OTULIN: variants seen among roughly 807,000 people sequenced by gnomAD.
OTULIN encodes the protein OTU deubiquitinase with linear linkage specificity.
OTULIN carries 15 observed loss-of-function variants against 39.6 expected under a neutral mutation model. The observed-to-expected ratio is 0.38, with a 90% CI of 0.25 to 0.58. OTULIN has a LOEUF of 0.58. OTULIN is among the 20% of genes least tolerant of loss of function. OTULIN has a pLI of 0.66. For synonymous variants in OTULIN, 156 were observed against 170.3 expected, an observed-to-expected ratio of 0.92 and a Z score of 0.65; for missense variants, 319 against 445.9, an observed-to-expected ratio of 0.72 and a Z score of 2.56.
intron 1 of OTULIN, among the ~76,000 whole-genome samples, chr5:14,666,743 G>A (rs1376687446): frequency 6.6e-6 from 1 of 152,170 alleles, no homozygotes; most frequent in Non-Finnish European, 1.5e-5. Flanking sequence ...AGAGAGGTGA[G>A]TTTAAGATGT....
chr5:14,715,589 A>G, the OTULIN span, among the ~76,000 whole-genome samples: 1 of 152,262 alleles, frequency 6.6e-6, no homozygotes, highest in Non-Finnish European at 1.5e-5. Context: ...TCTTCTTCCC[A>G]GTGGTGACTT....
At chr5:14,674,156 A>G (rs1291269010) in intron 2 of OTULIN, 1 of 155,022 alleles carries the variant, frequency 6.5e-6, no homozygotes, top group Non-Finnish European at 1.4e-5. Context: ...GATCAGTAGC[A>G]CAGAGTCTCA....
rs539988965 is a variant in OTULIN, at chr5:14,699,167, A to G, written c.*6119A>G. ...TTTATGAACCATTTACACTGCTGGA[A>G]ATGTACCCACTAATGTGATGGCAAG... is the stretch of plus-strand genomic sequence containing the variant. On this transcript the variant is annotated 3_prime_UTR_variant, in exon 7 of 7. Coordinates refer to ENST00000284274, the MANE Select transcript of OTULIN (RefSeq NM_138348.6). 71 of 152,366 alleles carry G rather than the reference A, an allele frequency of 4.7e-4. No homozygotes were observed. The highest frequency in any genetic ancestry group is 1.6e-3 in the African/African-American group (65 of 41,586). 9.4% of individuals were successfully genotyped at this position (152,366 alleles called of 1,614,324 possible). A position where few individuals can be genotyped will look rare whatever the true frequency, so the allele number is the denominator to read the frequency against.
At chr5:14,714,334 C>T in the OTULIN span, among the ~76,000 whole-genome samples, 915 of 152,322 alleles carry the variant, frequency 6.0e-3, 3 homozygotes, top group African/African-American at 0.021. Flanking sequence ...GGGTGGACAG[C>T]GGGGAACTGT....
rs1736629694 is a variant in OTULIN at position 14,695,006 on chromosome 5, A to G, written c.*1958A>G. The stretch of plus-strand genomic sequence containing the variant: ...GTACATTGAATCTGACCATCAGTTT[A>G]TATATGTCATTGAATTTTAAGAATA... On this transcript the variant is annotated 3_prime_UTR_variant, in exon 7 of 7. Coordinates refer to ENST00000284274, the MANE Select transcript of OTULIN (RefSeq NM_138348.6). 1 of 152,228 alleles carries G rather than the reference A, an allele frequency of 6.6e-6. No individual in the cohort carries two copies. The allele number at this position is 152,228 out of a possible 1,614,324, so 9.4% of individuals were successfully genotyped here. A position where few individuals can be genotyped will look rare whatever the true frequency, so the allele number is the denominator to read the frequency against.
intron 1 of OTULIN, among the ~76,000 whole-genome samples, chr5:14,673,055 G>A (rs750014457): frequency 6.6e-6 from 1 of 152,138 alleles, no homozygotes. Context: ...GGTAGTAGCG[G>A]ACAGTGGGAA....
intron 1 of OTULIN, among the ~76,000 whole-genome samples, chr5:14,665,239 G>A (rs1735803770): frequency 6.6e-6 from 1 of 152,230 alleles, no homozygotes; most frequent in South Asian, 2.1e-4. Context: ...TGAAGTTAAA[G>A]AAAGTTCCAG....
At position 14,690,173 on chromosome 5, in the gene OTULIN, A is replaced by G. The variant is rs925842281; in HGVS notation, c.729A>G (p.Leu243=). 7 of 1,614,190 alleles carry G rather than the reference A, an allele frequency of 4.3e-6. No individual in the cohort carries two copies. The highest frequency in any genetic ancestry group is 5.1e-6 in the Non-Finnish European group (6 of 1,180,040). ...KFLMLNRAIE[L]YNDKEKGKEV... ...TAATGCTAAACAGAGCCATTGAACT[A>G]TATAATGATAAAGAGAAAGGAAAGG... Residue 243 remains leucine, a synonymous_variant, in exon 6 of 7, where the codon CTA becomes CTG. Transcript: ENST00000284274. The surrounding 1 kb of genome is among the most constrained non-coding windows in gnomAD (Gnocchi z 4.5).
downstream of OTULIN, among the ~76,000 whole-genome samples, chr5:14,701,953 T>A (rs1736804095): frequency 6.6e-6 from 1 of 152,134 alleles, no homozygotes; most frequent in South Asian, 2.1e-4. Context: ...GTGGGTTGTG[T>A]GATGCAGAAT....
chr5:14,713,407 G>C, the OTULIN span: 13 of 1,301,058 alleles, frequency 1.0e-5, no homozygotes, highest in Non-Finnish European at 1.3e-5. This position sits in a 1 kb window ranked among gnomAD's most constrained non-coding sequence, Gnocchi z 4.4. Context: ...TGCCTGGGCA[G>C]ACACACAAAA....
intron 4 of OTULIN, among the ~76,000 whole-genome samples, chr5:14,682,519 A>T (rs1476871852): frequency 1.3e-5 from 2 of 152,206 alleles, no homozygotes; most frequent in Admixed American, 6.5e-5. Context: ...ATATGACATT[A>T]ACTGGAAGAA....
the OTULIN span, chr5:14,707,223 A>C: frequency 5.3e-5 from 8 of 152,180 alleles, no homozygotes; most frequent in Admixed American, 5.2e-4. Context: ...TTCTCAAGGA[A>C]ATGTAATTAC....
rs924146055 is a variant in OTULIN, at chr5:14,690,620, T to C, written c.864+312T>C. ...CTCCACAGGGCTGCTTGAGTGTCCTTACAACATGGCAGCTGGCTTCTCAGA... is the reference window on the plus strand; with the variant it reads ...CTCCACAGGGCTGCTTGAGTGTCCTCACAACATGGCAGCTGGCTTCTCAGA... On this transcript the variant is annotated intron_variant, in intron 6 of 6. Transcript: ENST00000284274. This position sits in a 1 kb window ranked among gnomAD's most constrained non-coding sequence, Gnocchi z 4.5. Among the ~76,000 whole-genome samples the C allele has an allele frequency of 1.3e-5, 2 of 152,142 alleles. No individual in the cohort carries two copies. Among genetic ancestry groups the C allele is most frequent in the Non-Finnish European group, 2.9e-5 (2 of 68,010 alleles).
At chr5:14,705,582 C>T in the OTULIN span, 1 of 152,304 alleles carries the variant, frequency 6.6e-6, no homozygotes, top group South Asian at 2.1e-4. Context: ...TTTCCCGAAG[C>T]CCTTTGATTA....
the OTULIN span, chr5:14,706,643 A>G: frequency 6.6e-6 from 1 of 152,156 alleles, no homozygotes. Context: ...GCATGATTTT[A>G]GACATTTTGC....
the OTULIN span, chr5:14,711,364 C>T: frequency 6.8e-7 from 1 of 1,476,604 alleles, no homozygotes; most frequent in Non-Finnish European, 9.5e-7. Context: ...CACTGCACAG[C>T]AGAACCACGA....
chr5:14,681,208 T>G (rs1736240382), intron 3 of OTULIN, among the ~76,000 whole-genome samples: 1 of 152,042 alleles, frequency 6.6e-6, no homozygotes, highest in Admixed American at 6.5e-5. Context: ...AAATATAAAC[T>G]TAGTTTAGCT....
chr5:14,702,105 A>C (rs139531331), downstream of OTULIN, among the ~76,000 whole-genome samples: 118 of 152,262 alleles, frequency 7.7e-4, 1 homozygote, highest in African/African-American at 2.7e-3. Context: ...ACTGAAGAGG[A>C]AAAGGAGAGA....
Position 14,685,484 on chromosome 5 carries a change from A to G in OTULIN, c.469-2037A>G, listed in dbSNP as rs183868056. Among the ~76,000 whole-genome samples the G allele has an allele frequency of 4.5e-3, 683 of 152,328 alleles. 3 individuals carry two copies. The highest frequency in any genetic ancestry group is 0.016 in the African/African-American group (647 of 41,560). On this transcript the variant is annotated intron_variant, in intron 4 of 6. Coordinates refer to ENST00000284274, the MANE Select transcript of OTULIN (RefSeq NM_138348.6). ...TGTTCCATGTGCTGTGACCTCTGAAAGCGTTTGAAGTTGTATTCACTTTTT... is the reference window on the plus strand; with the variant it reads ...TGTTCCATGTGCTGTGACCTCTGAAGGCGTTTGAAGTTGTATTCACTTTTT...
Sources: allele counts gnomAD v4.1 joint callset (sites outside exome capture counted in the v4.1 genomes callset), GRCh38; gene constraint gnomAD v4.1.1; non-coding constraint Gnocchi (gnomAD v3.1); transcripts MANE v1.5; gene names NCBI Gene and HGNC (gene_info 2026-07-23, HGNC 2026-07-21).